The following ELAC1 variants were observed in gnomAD, a reference collection of about 807,000 sequenced individuals.
The protein encoded by ELAC1 is zinc phosphodiesterase ELAC protein 1.
Under a neutral mutation model 25.8 loss-of-function variants are expected in ELAC1, and 19 were observed. The ratio of observed to expected loss-of-function variants is 0.74; its 90% CI spans 0.51 to 1.08. ELAC1 has a LOEUF of 1.08. ELAC1 is among the 50% of genes least tolerant of loss of function. The pLI is 0.00. For missense variants in ELAC1, 403 were observed against 434.6 expected (o/e 0.93, Z 0.65); for synonymous variants, 148 against 160.9 (o/e 0.92, Z 0.61).
chr18:50,985,963 T>A (rs1908097900), intron 3 of ELAC1, among the ~76,000 whole-genome samples: 1 of 151,992 alleles, frequency 6.6e-6, no homozygotes, highest in African/African-American at 2.4e-5. Context: ...ACAATTTTTT[T>A]ATTAAGTTAC....
chr18:50,984,237 G>A lies in ELAC1; in HGVS notation c.299G>A (p.Arg100Gln), dbSNP rs569876213. Residue 100 changes from arginine (R) to glutamine (Q), a missense_variant, in exon 3 of 4, where the codon CGG becomes CAG. Coordinates refer to ENST00000269466, the MANE Select transcript of ELAC1 (RefSeq NM_018696.3). The part of the protein sequence containing the change: ...PIEIYGPVGL[R>Q]DFIWRTMELS... ...GAAATCTATGGCCCTGTAGGGCTTC[G>A]GGACTTTATCTGGCGAACCATGGAA... 6 of 1,614,088 alleles carry A rather than the reference G, an allele frequency of 3.7e-6. No individual in the cohort carries two copies. In the African/African-American group the frequency reaches 6.7e-5, roughly 18 times the overall value.
intron 3 of ELAC1, among the ~76,000 whole-genome samples, chr18:50,986,332 G>C (rs1397962525): frequency 3.9e-5 from 6 of 152,158 alleles, no homozygotes; most frequent in Admixed American, 3.9e-4. Context: ...GCACAGCAGA[G>C]AATCAAGAAT....
At chr18:50,975,390 C>T (rs1907774623) in intron 2 of ELAC1, among the ~76,000 whole-genome samples, 2 of 151,838 alleles carry the variant, frequency 1.3e-5, no homozygotes, top group South Asian at 4.2e-4. Flanking sequence ...CCCAGTCATT[C>T]CTTTACTTTG....
chr18:50,986,688 C>T lies in ELAC1; in HGVS notation c.695C>T (p.Thr232Ile). The T allele has an allele frequency of 1.2e-6, 2 of 1,614,088 alleles. No homozygotes were observed. The highest frequency in any genetic ancestry group is 1.1e-5 in the South Asian group (1 of 91,084). ...GISVVLENGV[T>I]ISPQDVLKKP... is the part of the protein sequence containing the mutation. The stretch of plus-strand genomic sequence containing the variant: ...TCTGTTGTTCTGGAAAATGGGGTTA[C>T]AATTTCTCCCCAAGATGTCTTAAAA... The change falls in exon 4 of 4, where the codon ACA (threonine) becomes ATA (isoleucine). Residue 232 changes from threonine to isoleucine, a missense_variant. By Grantham distance (89) the Thr-to-Ile change is moderately conservative. Transcript: ENST00000269466.
At chr18:50,982,500 G>C (rs550289575) in intron 2 of ELAC1, among the ~76,000 whole-genome samples, 73 of 152,300 alleles carry the variant, frequency 4.8e-4, no homozygotes, top group Admixed American at 7.8e-4. Flanking sequence ...GTTTAAAATA[G>C]GTGGGCCTTG....
chr18:50,969,790 G>A (rs1907598417), intron 1 of ELAC1: 1 of 152,232 alleles, frequency 6.6e-6, no homozygotes, highest in South Asian at 2.1e-4. Flanking sequence ...AATGATGGGT[G>A]TATGGCATTG....
chr18:50,980,646 C>T (rs554984462), intron 2 of ELAC1, among the ~76,000 whole-genome samples: 1 of 151,004 alleles, frequency 6.6e-6, no homozygotes, highest in Non-Finnish European at 1.5e-5. Flanking sequence ...GCCTGTAAAC[C>T]CAGCTACTTG....
At chr18:50,978,100 A>G (rs965882853) in intron 2 of ELAC1, among the ~76,000 whole-genome samples, 21 of 152,322 alleles carry the variant, frequency 1.4e-4, no homozygotes, top group African/African-American at 4.8e-4. Context: ...AAACTTTCCC[A>G]TGTCTTCCTG....
At position 50,987,166 on chromosome 18, in the gene ELAC1, T is replaced by C. The variant is rs548745938; in HGVS notation, c.*81T>C. On this transcript the variant is annotated 3_prime_UTR_variant, in exon 4 of 4. Transcript: ENST00000269466. ...AGTCCAGTTTTTTTATTTCTTGTTT[T>C]AGTCTGAAATTATTTGGGCCCTAAT... 7.6e-6 allele frequency: 8 copies of C among 1,057,204 alleles called. No individual in the cohort carries two copies. The African/African-American group carries it at 1.3e-4, about 17-fold the overall frequency. The allele number at this position is 1,057,204 out of a possible 1,614,324, so 65.5% of individuals were successfully genotyped here. A position where few individuals can be genotyped will look rare whatever the true frequency, so the allele number is the denominator to read the frequency against.
At chr18:50,971,942 A>C (rs7237001) in intron 1 of ELAC1, among the ~76,000 whole-genome samples, 12 of 132,306 alleles carry the variant, frequency 9.1e-5, no homozygotes, top group East Asian at 4.2e-4. Flanking sequence ...ATATATATAT[A>C]TCCTTTGCCT....
intron 3 of ELAC1, among the ~76,000 whole-genome samples, chr18:50,985,003 A>G (rs1908061736): frequency 6.6e-6 from 1 of 152,142 alleles, no homozygotes; most frequent in Non-Finnish European, 1.5e-5. Flanking sequence ...TTCTCCACTT[A>G]GTCCCTTTGT....
At chr18:50,976,520 G>C (rs761873074) in intron 2 of ELAC1, among the ~76,000 whole-genome samples, 34 of 152,130 alleles carry the variant, frequency 2.2e-4, no homozygotes, top group Non-Finnish European at 4.9e-4. Flanking sequence ...ATTCACTGTC[G>C]TGAGAACAGC....
chr18:50,972,621 T>C (rs774975255), intron 1 of ELAC1, among the ~76,000 whole-genome samples: 1 of 152,138 alleles, frequency 6.6e-6, no homozygotes, highest in African/African-American at 2.4e-5. Flanking sequence ...TAGCTGGGAC[T>C]ACAGGTGTGC....
chr18:50,978,156 A>G (rs2144314210), intron 2 of ELAC1, among the ~76,000 whole-genome samples: 1 of 151,820 alleles, frequency 6.6e-6, no homozygotes, highest in South Asian at 2.1e-4. Flanking sequence ...ACCTTCCCAT[A>G]TTTTCCTGTC....
Position 50,987,173 on chromosome 18 carries a change from A to G in ELAC1, c.*88A>G. 2 of 1,014,274 alleles carry G rather than the reference A, an allele frequency of 2.0e-6. No individual in the cohort carries two copies. Among genetic ancestry groups the G allele is most frequent in the Non-Finnish European group, 1.4e-6 (1 of 738,258 alleles). The allele number at this position is 1,014,274 out of a possible 1,614,324, so 62.8% of individuals were successfully genotyped here. A position where few individuals can be genotyped will look rare whatever the true frequency, so the allele number is the denominator to read the frequency against. ...TTTTTTTATTTCTTGTTTTAGTCTG[A>G]AATTATTTGGGCCCTAATAATCCTA... On this transcript the variant is annotated 3_prime_UTR_variant, in exon 4 of 4. Transcript: ENST00000269466.
rs1908112837 is a variant in ELAC1, at chr18:50,986,563, T to C, written c.626-56T>C. ...TTTGCAATGCTGTTAAAATAGACTC[T>C]TGAAAAGTCATAAATTCCATTCCTA... On this transcript the variant is annotated intron_variant, in intron 3 of 3. Coordinates refer to ENST00000269466, the MANE Select transcript of ELAC1 (RefSeq NM_018696.3). 2.2e-6 allele frequency: 3 copies of C among 1,393,216 alleles called. No individual in the cohort carries two copies. In the South Asian group the frequency reaches 4.1e-5, roughly 19 times the overall value. 86.3% of individuals were successfully genotyped at this position (1,393,216 alleles called of 1,614,324 possible). A position where few individuals can be genotyped will look rare whatever the true frequency, so the allele number is the denominator to read the frequency against.
chr18:50,987,116 T>G lies in ELAC1; in HGVS notation c.*31T>G. ...GTGTTCCTGAGTGCACACTGACATG[T>G]CTGTGAATATGTTACTGAACCTATA... is the stretch of plus-strand genomic sequence containing the variant. On this transcript the variant is annotated 3_prime_UTR_variant, in exon 4 of 4. Transcript: ENST00000269466. 7.0e-7 allele frequency: 1 copy of G among 1,427,790 alleles called. No homozygotes were observed. The highest frequency in any genetic ancestry group is 9.4e-7 in the Non-Finnish European group (1 of 1,059,074). 88.4% of individuals were successfully genotyped at this position (1,427,790 alleles called of 1,614,324 possible). A position where few individuals can be genotyped will look rare whatever the true frequency, so the allele number is the denominator to read the frequency against.
chr18:50,974,655 G>A (rs1250005382), intron 2 of ELAC1, 94 bp downstream of exon 2: 4 of 1,234,208 alleles, frequency 3.2e-6, no homozygotes, highest in East Asian at 2.4e-5. Flanking sequence ...AAACAGCCCT[G>A]ATGGTTGCAT....
chr18:50,971,856 TTATG>T (rs925636055), intron 1 of ELAC1, among the ~76,000 whole-genome samples: 2 of 146,472 alleles, frequency 1.4e-5, no homozygotes, highest in Non-Finnish European at 3.0e-5. Flanking sequence ...ATATACATAT[TTATG>T]TATATATATG....
Sources: gnomAD v4.1 joint callset for allele counts (sites outside exome capture counted in the v4.1 genomes callset) on GRCh38, gnomAD v4.1.1 for gene constraint, MANE v1.5 for transcripts, NCBI Gene and HGNC (gene_info 2026-07-23, HGNC 2026-07-21) for gene names.